Variants in PRDM16 observed in about 807,000 individuals in gnomAD.
The protein encoded by PRDM16 is histone-lysine N-methyltransferase PRDM16.
A neutral mutation model predicts 110.6 loss-of-function variants in PRDM16; 23 were observed. The observed-to-expected ratio is 0.21, with a 90% CI of 0.15 to 0.29. The LOEUF is 0.29. PRDM16 is among the 10% of genes least tolerant of loss of function. The pLI is 1.00. For synonymous variants in PRDM16, 799 were observed against 781.8 expected, an observed-to-expected ratio of 1.02 and a Z score of -0.37; for missense variants, 1,615 against 1,794.3, an observed-to-expected ratio of 0.90 and a Z score of 1.81.
chr1:3,081,281 A>T lies in PRDM16; in HGVS notation c.37+11985A>T, dbSNP rs924637617. 1.4e-4 allele frequency among the ~76,000 whole-genome samples: 21 copies of T among 152,060 alleles called. No homozygotes were observed. The highest frequency in any genetic ancestry group is 4.6e-4 in the African/African-American group (19 of 41,402). Reference sequence around the variant, plus strand: ...TGTACCCCGAGTCCCCCGTGCTGGCACCTGATAAGGGGTCATTCTGTGCTC... The same window carrying T: ...TGTACCCCGAGTCCCCCGTGCTGGCTCCTGATAAGGGGTCATTCTGTGCTC... On this transcript the variant is annotated intron_variant, in intron 1 of 16. Transcript: ENST00000270722. The surrounding 1 kb of genome is among the most constrained non-coding windows in gnomAD (Gnocchi z 4.6).
chr1:3,298,560 A>C (rs978498072), intron 3 of PRDM16, among the ~76,000 whole-genome samples: 6 of 152,196 alleles, frequency 3.9e-5, no homozygotes, highest in Non-Finnish European at 7.4e-5. Flanking sequence ...CCCACAGCAC[A>C]TTGTGAGTCC....
intron 1 of PRDM16, among the ~76,000 whole-genome samples, chr1:3,078,673 G>A (rs1215922656): frequency 6.6e-6 from 1 of 152,248 alleles, no homozygotes; most frequent in Non-Finnish European, 1.5e-5. Flanking sequence ...TAGTACCTGT[G>A]GCAGGCAGGA....
At chr1:3,295,544 C>T (rs924601892) in intron 3 of PRDM16, among the ~76,000 whole-genome samples, 11 of 152,180 alleles carry the variant, frequency 7.2e-5, no homozygotes, top group Admixed American at 3.9e-4. Context: ...TGCACATGTG[C>T]GGGGTGAACA....
intron 1 of PRDM16, among the ~76,000 whole-genome samples, chr1:3,181,144 A>G (rs1266540691): frequency 7.0e-6 from 1 of 143,312 alleles, no homozygotes; most frequent in East Asian, 2.4e-4. Flanking sequence ...ACGCGGTCTT[A>G]CACACGCAGT....
chr1:3,195,545 A>G (rs899250118), intron 2 of PRDM16, among the ~76,000 whole-genome samples: 8 of 152,130 alleles, frequency 5.3e-5, no homozygotes, highest in African/African-American at 1.7e-4. Context: ...TGTGAATACC[A>G]ACTTCTTAAA....
chr1:3,366,532 T>TA (rs1367314280), intron 3 of PRDM16, among the ~76,000 whole-genome samples: 2 of 152,172 alleles, frequency 1.3e-5, no homozygotes, highest in African/African-American at 2.4e-5. Flanking sequence ...GGCTTAAAGA[T>TA]ACAAAGTGTC....
chr1:3,189,920 A>G (rs1325397630), intron 2 of PRDM16, among the ~76,000 whole-genome samples: 1 of 152,192 alleles, frequency 6.6e-6, no homozygotes, highest in Non-Finnish European at 1.5e-5. Flanking sequence ...TTTTCTTTCT[A>G]CTCTGAGAAC....
In PRDM16 at chr1:3,155,103, G is replaced by A. The variant is rs529339919; in HGVS notation, c.38-31022G>A. Among the ~76,000 whole-genome samples the A allele has an allele frequency of 2.0e-5, 3 of 152,204 alleles. No homozygotes were observed. In the South Asian group the frequency reaches 6.2e-4, roughly 32 times the overall value. On this transcript the variant is annotated intron_variant, in intron 1 of 16. Coordinates refer to ENST00000270722, the MANE Select transcript of PRDM16 (RefSeq NM_022114.4). ...CTAGGGGCCAGCCTGGCATCCCCCC[G>A]ACCTCTCAGGGGCTCTGGAGTCTTC...
At chr1:3,414,808 C>A (rs1309341391) in intron 10 of PRDM16, among the ~76,000 whole-genome samples, 161 bp downstream of exon 10, 1 of 152,190 alleles carries the variant, frequency 6.6e-6, no homozygotes, top group Non-Finnish European at 1.5e-5. Context: ...CTCCCTGAGG[C>A]CCCTCAGGTC....
chr1:3,354,190 C>T (rs976060167), intron 3 of PRDM16, among the ~76,000 whole-genome samples: 2 of 152,286 alleles, frequency 1.3e-5, no homozygotes, highest in East Asian at 1.9e-4. Context: ...CCGGGTGTGG[C>T]GGCTCAGGCC....
At chr1:3,287,350 C>T (rs1191268373) in intron 3 of PRDM16, among the ~76,000 whole-genome samples, 1 of 106,622 alleles carries the variant, frequency 9.4e-6, no homozygotes, top group Non-Finnish European at 1.9e-5. Flanking sequence ...TTGCATTTAC[C>T]GGGGCTGGAG....
At chr1:3,355,404 C>T (rs533013409) in intron 3 of PRDM16, among the ~76,000 whole-genome samples, 9 of 152,144 alleles carry the variant, frequency 5.9e-5, no homozygotes, top group African/African-American at 1.2e-4. Context: ...TTCAGCCTGG[C>T]GGGGGGCTTG....
chr1:3,424,023 C>T (rs529545739), intron 12 of PRDM16, among the ~76,000 whole-genome samples: 27 of 152,334 alleles, frequency 1.8e-4, no homozygotes, highest in African/African-American at 5.5e-4. Flanking sequence ...CAAGCACCCA[C>T]GTGCAACTGA....
At chr1:3,145,091 G>A (rs2651909) in intron 1 of PRDM16, among the ~76,000 whole-genome samples, 2,743 of 152,300 alleles carry the variant, frequency 0.018, 38 homozygotes, top group South Asian at 0.029. Flanking sequence ...GCCCAAGTAG[G>A]CCCCACGCAG....
intron 1 of PRDM16, among the ~76,000 whole-genome samples, chr1:3,142,868 G>A (rs1340944210): frequency 6.6e-6 from 1 of 152,200 alleles, no homozygotes; most frequent in African/African-American, 2.4e-5. Flanking sequence ...GGCTGCGGAG[G>A]GTAGCCCAGG....
At chr1:3,288,453 A>C (rs1347786703) in intron 3 of PRDM16, among the ~76,000 whole-genome samples, 3 of 152,164 alleles carry the variant, frequency 2.0e-5, no homozygotes, top group Admixed American at 6.5e-5. Flanking sequence ...TGAGGGCTCC[A>C]GCCTGCTTTT....
At chr1:3,160,673 G>A (rs1162494871) in intron 1 of PRDM16, among the ~76,000 whole-genome samples, 1 of 152,202 alleles carries the variant, frequency 6.6e-6, no homozygotes, top group African/African-American at 2.4e-5. Context: ...AACCCCGTCT[G>A]GGGCTGACAT....
At chr1:3,168,723 G>A (rs982904951) in intron 1 of PRDM16, among the ~76,000 whole-genome samples, 3 of 152,220 alleles carry the variant, frequency 2.0e-5, no homozygotes, top group Admixed American at 6.5e-5. Flanking sequence ...AGTATGTCAG[G>A]GAATGAGGAG....
At chr1:3,147,608 C>T (rs1643700733) in intron 1 of PRDM16, among the ~76,000 whole-genome samples, 1 of 152,188 alleles carries the variant, frequency 6.6e-6, no homozygotes, top group African/African-American at 2.4e-5. Flanking sequence ...CAAATCTTGA[C>T]CTTGGACTCT....
Sources: allele counts gnomAD v4.1 joint callset (sites outside exome capture counted in the v4.1 genomes callset), GRCh38; gene constraint gnomAD v4.1.1; non-coding constraint Gnocchi (gnomAD v3.1); transcripts MANE v1.5; gene names NCBI Gene and HGNC (gene_info 2026-07-23, HGNC 2026-07-21).